The following NLGN1 variants were observed in gnomAD, a reference collection of about 807,000 sequenced individuals.
NLGN1 encodes neuroligin-1.
In NLGN1, 12 loss-of-function variants were observed where a neutral mutation model predicts 65.5. The observed-to-expected ratio is 0.18, with a 90% CI of 0.12 to 0.30. The LOEUF (loss-of-function observed/expected upper bound fraction) is 0.30. NLGN1 is among the 10% of genes least tolerant of loss of function. NLGN1 has a pLI of 1.00. For missense variants in NLGN1, 750 were observed against 1,007.1 expected (o/e 0.74, Z 3.46); for synonymous variants, 350 against 359.5 (o/e 0.97, Z 0.30).
intron 4 of NLGN1, among the ~76,000 whole-genome samples, chr3:174,005,627 C>T (rs908648968): frequency 6.6e-6 from 1 of 152,102 alleles, no homozygotes; most frequent in African/African-American, 2.4e-5. Flanking sequence ...TCCCACAACC[C>T]CTTACGAGCA....
intron 4 of NLGN1, among the ~76,000 whole-genome samples, chr3:174,174,815 C>T (rs1424655471): frequency 6.6e-6 from 1 of 151,834 alleles, no homozygotes; most frequent in East Asian, 1.9e-4. Context: ...ACGGCTTTTG[C>T]TGTGTCCCAC....
chr3:173,928,119 T>G (rs1447630898), intron 4 of NLGN1, among the ~76,000 whole-genome samples: 1 of 152,220 alleles, frequency 6.6e-6, no homozygotes, highest in Non-Finnish European at 1.5e-5. Flanking sequence ...ACTTTAATAT[T>G]AAACTTCTGA....
chr3:173,512,581 G>A (rs544965089), intron 2 of NLGN1, among the ~76,000 whole-genome samples: 1 of 152,242 alleles, frequency 6.6e-6, no homozygotes, highest in South Asian at 2.1e-4. Flanking sequence ...TGGGCCATAG[G>A]TAGTTTTCAA....
chr3:173,812,551 G>A (rs1718163323), intron 4 of NLGN1, among the ~76,000 whole-genome samples: 1 of 151,780 alleles, frequency 6.6e-6, no homozygotes, highest in Non-Finnish European at 1.5e-5. Context: ...AAAATGGTGA[G>A]ATTGTGTCTC....
intron 2 of NLGN1, among the ~76,000 whole-genome samples, chr3:173,579,229 C>A (rs537631414): frequency 6.6e-6 from 1 of 152,254 alleles, no homozygotes; most frequent in Admixed American, 6.5e-5. Context: ...GCCTGTAATC[C>A]CAGCACAGCC....
At chr3:173,818,895 C>CATTTTTTTTTTTTTTTTTTT (rs1719585923) in intron 4 of NLGN1, among the ~76,000 whole-genome samples, 1 of 92,400 alleles carries the variant, frequency 1.1e-5, no homozygotes, top group Non-Finnish European at 2.0e-5. Context: ...TTGAATAGTT[C>CATTTTTTTTTTTTTTTTTTT]TTTTTTTTTT....
intron 4 of NLGN1, among the ~76,000 whole-genome samples, chr3:173,865,728 G>A (rs556916747): frequency 1.2e-4 from 19 of 152,142 alleles, no homozygotes; most frequent in South Asian, 2.1e-4. Context: ...TTCTTGGAAA[G>A]GTGACCTTAA....
At chr3:174,213,046 T>C (rs1044669490) in intron 4 of NLGN1, among the ~76,000 whole-genome samples, 5 of 152,238 alleles carry the variant, frequency 3.3e-5, no homozygotes, top group Admixed American at 3.3e-4. Context: ...ATTAACCATC[T>C]TAATTCTATA....
intron 4 of NLGN1, among the ~76,000 whole-genome samples, chr3:174,019,479 G>A (rs1259943409): frequency 6.6e-6 from 1 of 152,092 alleles, no homozygotes; most frequent in African/African-American, 2.4e-5. Flanking sequence ...CTCCAGAACT[G>A]TAAGAAATCA....
At chr3:173,883,679 G>A (rs1360693282) in intron 4 of NLGN1, among the ~76,000 whole-genome samples, 7 of 151,978 alleles carry the variant, frequency 4.6e-5, no homozygotes, top group Non-Finnish European at 8.8e-5. Flanking sequence ...TATACATTAT[G>A]TCATTACCAG....
chr3:174,187,468 C>T lies in NLGN1; in HGVS notation c.647-87847C>T, dbSNP rs1002415296. ...TGTCCCTGGCACACACATGAAAATG[C>T]TTAGCCAATGCCTGATTATAAGCAA... On this transcript the variant is annotated intron_variant, in intron 4 of 6. Transcript: ENST00000457714. Among the ~76,000 whole-genome samples the T allele has an allele frequency of 2.0e-5, 3 of 152,092 alleles. No homozygotes were observed. In the South Asian group the frequency reaches 6.2e-4, roughly 32 times the overall value.
intron 1 of NLGN1, among the ~76,000 whole-genome samples, chr3:173,434,674 A>G (rs1359062908): frequency 2.0e-5 from 3 of 152,284 alleles, no homozygotes; most frequent in South Asian, 2.1e-4. Flanking sequence ...GTCCTTTCTG[A>G]GGTTCTTAGT....
At chr3:173,452,867 T>C (rs1721858577) in intron 2 of NLGN1, among the ~76,000 whole-genome samples, 1 of 152,212 alleles carries the variant, frequency 6.6e-6, no homozygotes, top group Admixed American at 6.5e-5. Flanking sequence ...CCAATACATA[T>C]ATAAATTACG....
intron 2 of NLGN1, among the ~76,000 whole-genome samples, chr3:173,601,579 G>A (rs1160064866): frequency 4.6e-5 from 7 of 151,836 alleles, no homozygotes; most frequent in Non-Finnish European, 7.4e-5. Context: ...TTTGGGTTTA[G>A]GTCCTTTATT....
intron 2 of NLGN1, among the ~76,000 whole-genome samples, chr3:173,517,833 T>C (rs952949845): frequency 6.6e-6 from 1 of 151,930 alleles, no homozygotes; most frequent in Non-Finnish European, 1.5e-5. Flanking sequence ...TCCATGGTGG[T>C]AATATAGCAT....
chr3:173,985,552 A>G (rs749939735), intron 4 of NLGN1, among the ~76,000 whole-genome samples: 1 of 152,240 alleles, frequency 6.6e-6, no homozygotes, highest in Non-Finnish European at 1.5e-5. Flanking sequence ...CTCTTTGACC[A>G]TCACTGGCAC....
At chr3:174,171,161 TAATA>T (rs1210666404) in intron 4 of NLGN1, among the ~76,000 whole-genome samples, 2 of 152,128 alleles carry the variant, frequency 1.3e-5, no homozygotes, top group African/African-American at 4.8e-5. Flanking sequence ...TTTCTGAGAG[TAATA>T]AATCAAATAT....
At chr3:174,129,399 A>ACACACT (rs1161213144) in intron 4 of NLGN1, among the ~76,000 whole-genome samples, 3 of 140,354 alleles carry the variant, frequency 2.1e-5, no homozygotes, top group African/African-American at 8.5e-5. Flanking sequence ...ACACACACAC[A>ACACACT]CTCATTCATT....
intron 4 of NLGN1, among the ~76,000 whole-genome samples, chr3:174,123,813 G>A (rs185253801): frequency 6.6e-6 from 1 of 152,176 alleles, no homozygotes; most frequent in Admixed American, 6.6e-5. Flanking sequence ...CATCTGTTCA[G>A]CTTTTAGAAC....
Sources: allele counts gnomAD v4.1 joint callset (sites outside exome capture counted in the v4.1 genomes callset), GRCh38; gene constraint gnomAD v4.1.1; transcripts MANE v1.5; gene names NCBI Gene and HGNC (gene_info 2026-07-23, HGNC 2026-07-21).